The following CNTNAP4 variants were observed in gnomAD, a reference collection of about 807,000 sequenced individuals.
CNTNAP4 encodes the protein contactin associated protein family member 4.
A neutral mutation model predicts 148.4 loss-of-function variants in CNTNAP4; 98 were observed. That is an observed-to-expected ratio of 0.66 (90% CI 0.56 to 0.78). CNTNAP4 has a LOEUF of 0.78. Among genes scored for constraint, CNTNAP4 ranks in the 30% least tolerant of loss-of-function variants. The probability of loss-of-function intolerance (pLI) is 0.00; values close to 1 mark genes in which losing one functional copy is unlikely to be tolerated. For missense variants in CNTNAP4, 1,935 were observed against 1,565.6 expected (o/e 1.24, Z -3.98); for synonymous variants, 730 against 565.1 (o/e 1.29, Z -4.14).
In CNTNAP4 at chr16:76,553,255, A is replaced by G. The variant is rs888115736; in HGVS notation, c.3443-28A>G. 6 of 1,447,106 alleles carry G rather than the reference A, an allele frequency of 4.1e-6. No homozygotes were observed. In the African/African-American group the frequency reaches 8.4e-5, roughly 20 times the overall value. The allele number at this position is 1,447,106 out of a possible 1,614,324, so 89.6% of individuals were successfully genotyped here. A position where few individuals can be genotyped will look rare whatever the true frequency, so the allele number is the denominator to read the frequency against. The stretch of plus-strand genomic sequence containing the variant: ...CGCCTATTTTCACTTTTCACTACTA[A>G]TATTTCGGTGTTTCTTTGAATTTCT... On this transcript the variant is annotated intron_variant, in intron 21 of 23. Coordinates refer to ENST00000611870, the MANE Select transcript of CNTNAP4 (RefSeq NM_033401.5).
At chr16:76,461,609 A>G (rs923104052) in intron 8 of CNTNAP4, among the ~76,000 whole-genome samples, 1 of 152,256 alleles carries the variant, frequency 6.6e-6, no homozygotes, top group African/African-American at 2.4e-5. Context: ...GCAAAGTAGC[A>G]GGTAAACCAT....
At position 76,448,811 on chromosome 16, in the gene CNTNAP4, C is replaced by G; in HGVS notation, c.787C>G (p.Leu263Val). ...PSTSTLVNLT[L>V]GSLLDDQHWH... ...CACTTCCACCCTGGTCAATCTCACC[C>G]TGGGCAGCCTGCTAGATGATCAGCA... Residue 263 changes from leucine (L) to valine (V), a missense_variant, in exon 6 of 24, where the codon CTG (leucine) becomes GTG (valine). By Grantham distance (32) the Leu-to-Val change is conservative. Transcript: ENST00000611870. The G allele has an allele frequency of 6.2e-7, 1 of 1,611,688 alleles. No homozygotes were observed. Among genetic ancestry groups the G allele is most frequent in the Non-Finnish European group, 8.5e-7 (1 of 1,179,050 alleles).
intron 3 of CNTNAP4, among the ~76,000 whole-genome samples, chr16:76,359,282 T>C (rs2013107349): frequency 6.6e-6 from 1 of 152,166 alleles, no homozygotes; most frequent in African/African-American, 2.4e-5. Context: ...CTCCACATGA[T>C]GCAAATAAGT....
At chr16:76,501,130 A>AT (rs2082624014) in intron 15 of CNTNAP4, among the ~76,000 whole-genome samples, 1 of 152,224 alleles carries the variant, frequency 6.6e-6, no homozygotes, top group African/African-American at 2.4e-5. Flanking sequence ...CATCTCTGAT[A>AT]TGTATCACCT....
chr16:76,453,504 A>G (rs910567921), intron 8 of CNTNAP4, among the ~76,000 whole-genome samples: 18 of 152,160 alleles, frequency 1.2e-4, no homozygotes, highest in African/African-American at 4.1e-4. Flanking sequence ...TCTACATCAC[A>G]TTTTTACGTA....
chr16:76,326,600 A>G (rs1393184945), intron 2 of CNTNAP4, among the ~76,000 whole-genome samples: 1 of 152,196 alleles, frequency 6.6e-6, no homozygotes, highest in East Asian at 1.9e-4. Flanking sequence ...CATATACACC[A>G]TGGAATACTA....
intron 3 of CNTNAP4, among the ~76,000 whole-genome samples, chr16:76,419,511 C>T (rs1202203110): frequency 6.6e-6 from 1 of 151,954 alleles, no homozygotes; most frequent in Non-Finnish European, 1.5e-5. Context: ...ACTTCTCACT[C>T]TCATGCTAGT....
intron 2 of CNTNAP4, among the ~76,000 whole-genome samples, chr16:76,322,591 C>T (rs1962539033): frequency 6.6e-6 from 1 of 152,158 alleles, no homozygotes; most frequent in Admixed American, 6.5e-5. Flanking sequence ...ACGGGAAGAG[C>T]AGGGATAACA....
chr16:76,463,826 T>C (rs1030498232), intron 9 of CNTNAP4, among the ~76,000 whole-genome samples: 2 of 152,222 alleles, frequency 1.3e-5, no homozygotes, highest in African/African-American at 4.8e-5. Flanking sequence ...ATGTGTATTA[T>C]AATTTTACAT....
intron 3 of CNTNAP4, among the ~76,000 whole-genome samples, chr16:76,423,433 G>C (rs7203050): frequency 0.79 from 119,536 of 152,010 alleles, 47,402 homozygotes; most frequent in Non-Finnish European, 0.84. Context: ...CTCAAGTAAT[G>C]CTGACATATA....
intron 6 of CNTNAP4, 141 bp from the exon 7 acceptor site, chr16:76,449,574 T>A: frequency 1.6e-6 from 1 of 637,032 alleles, no homozygotes; most frequent in Non-Finnish European, 2.5e-6. Context: ...TTGTTTTAAA[T>A]CTATATCTTA....
intron 21 of CNTNAP4, among the ~76,000 whole-genome samples, chr16:76,546,890 C>A (rs893794557): frequency 2.0e-4 from 31 of 152,148 alleles, no homozygotes; most frequent in African/African-American, 7.5e-4. Flanking sequence ...AATATTATTA[C>A]ATAAAAATTA....
At chr16:76,496,298 G>A (rs17767530) in intron 14 of CNTNAP4, among the ~76,000 whole-genome samples, 25,129 of 151,932 alleles carry the variant, frequency 0.17, 2,667 homozygotes, top group Admixed American at 0.3. Context: ...TAAAATGCTA[G>A]TAGTAATGCT....
chr16:76,470,771 A>G (rs781162198), intron 10 of CNTNAP4, among the ~76,000 whole-genome samples: 1 of 152,158 alleles, frequency 6.6e-6, no homozygotes, highest in Non-Finnish European at 1.5e-5. Context: ...AGTTGGCTCA[A>G]ACCTACAGAT....
intron 15 of CNTNAP4, among the ~76,000 whole-genome samples, chr16:76,516,779 C>G (rs1645615941): frequency 6.6e-6 from 1 of 152,070 alleles, no homozygotes; most frequent in South Asian, 2.1e-4. Context: ...AAGAGTAATT[C>G]TGGGCCAGAA....
chr16:76,477,201 T>C (rs926781926), intron 11 of CNTNAP4, among the ~76,000 whole-genome samples: 1 of 152,144 alleles, frequency 6.6e-6, no homozygotes, highest in African/African-American at 2.4e-5. Flanking sequence ...CTTTTTCCTG[T>C]ATTACAAATC....
At chr16:76,395,250 CACTTATCAGGCCAAAGAT>C (rs2078157157) in intron 3 of CNTNAP4, among the ~76,000 whole-genome samples, 1 of 150,222 alleles carries the variant, frequency 6.7e-6, no homozygotes, top group Admixed American at 6.8e-5. Context: ...TTAACTTTAC[CACTTATCAGGCCAAAGAT>C]TCTTTTTTTT....
chr16:76,330,504 G>A (rs1963407948), intron 2 of CNTNAP4, among the ~76,000 whole-genome samples: 1 of 152,170 alleles, frequency 6.6e-6, no homozygotes, highest in Non-Finnish European at 1.5e-5. Flanking sequence ...GTTTATGAAT[G>A]CACTTGCCAA....
At chr16:76,436,585 A>C (rs1394774248) in intron 4 of CNTNAP4, among the ~76,000 whole-genome samples, 4 of 152,280 alleles carry the variant, frequency 2.6e-5, no homozygotes, top group Middle Eastern at 6.8e-3. Context: ...CCCTGAGTTC[A>C]TCATTTTCTT....
Sources: allele counts gnomAD v4.1 joint callset (sites outside exome capture counted in the v4.1 genomes callset), GRCh38; gene constraint gnomAD v4.1.1; transcripts MANE v1.5; gene names NCBI Gene and HGNC (gene_info 2026-07-23, HGNC 2026-07-21).